The following MPDU1 variants were observed in gnomAD, a reference collection of about 807,000 sequenced individuals.
MPDU1 encodes mannose-P-dolichol utilization defect 1.
Under a neutral mutation model 27.6 loss-of-function variants are expected in MPDU1, and 18 were observed. That is an observed-to-expected ratio of 0.65 (90% CI 0.45 to 0.97). MPDU1 has a LOEUF of 0.97. Among genes scored for constraint, MPDU1 ranks in the 50% least tolerant of loss-of-function variants. MPDU1 has a pLI of 0.00. For missense variants in MPDU1, 279 were observed against 297.4 expected (o/e 0.94, Z 0.46); for synonymous variants, 142 against 131.1 (o/e 1.08, Z -0.57).
intron 1 of MPDU1, 172 bp from the exon 2 acceptor site, chr17:7,585,560 G>A: frequency 1.6e-6 from 1 of 624,136 alleles, no homozygotes; most frequent in Non-Finnish European, 2.8e-6. Flanking sequence ...AAGTGTGGTG[G>A]TTTGGAGCAG....
intron 5 of MPDU1, 50 bp downstream of exon 5, chr17:7,587,067 G>GA: frequency 5.5e-5 from 57 of 1,041,224 alleles, no homozygotes; most frequent in Admixed American, 9.6e-5. Flanking sequence ...GGGTGGGGGG[G>GA]AAGAGTAGAA....
At chr17:7,584,440 C>G (rs2071546744) in intron 1 of MPDU1, among the ~76,000 whole-genome samples, 1 of 152,160 alleles carries the variant, frequency 6.6e-6, no homozygotes, top group Non-Finnish European at 1.5e-5. Context: ...CGAGACAGCT[C>G]CACAAGGGTC....
chr17:7,583,679 G>T (rs761734667), upstream of MPDU1: 32 of 762,854 alleles, frequency 4.2e-5, no homozygotes, highest in Non-Finnish European at 6.1e-5. Context: ...CGTCCAAAAC[G>T]TGGTCCCTGA....
At chr17:7,584,132 C>T (rs567197741) in intron 1 of MPDU1, 167 bp downstream of exon 1, 85 of 721,662 alleles carry the variant, frequency 1.2e-4, no homozygotes, top group Non-Finnish European at 1.9e-4. Flanking sequence ...AGAGGGAGGA[C>T]ACCATATTAG....
rs1218272790 is a variant in MPDU1 at position 7,587,440 on chromosome 17, C to T, written c.633C>T (p.Pro211=). ...CTTGCAACCAGGAAACCGGAGATCC[C>T]CTGATGGCTGGGACCTTTGTGGTCT... ...IFTSIQETGD[P]LMAGTFVVSS... is the part of the protein sequence containing the mutation. The change falls in exon 7 of 7, where the codon CCC becomes CCT. Residue 211 remains proline (P), a synonymous_variant. Coordinates refer to ENST00000250124, the MANE Select transcript of MPDU1 (RefSeq NM_004870.4). 3 of 1,613,912 alleles carry T rather than the reference C, an allele frequency of 1.9e-6. No individual in the cohort carries two copies. The highest frequency in any genetic ancestry group is 2.2e-5 in the East Asian group (1 of 44,848).
Position 7,588,118 on chromosome 17 carries a change from T to C in MPDU1, c.*567T>C. On this transcript the variant is annotated 3_prime_UTR_variant, in exon 7 of 7. Transcript: ENST00000250124. ...AGGTCTAGGCGGAAGGGAGTGGAGA[T>C]GGGGCTGGTTCCTGCTGCAGTGAGG... 1 of 622,566 alleles carries C rather than the reference T, an allele frequency of 1.6e-6. No individual in the cohort carries two copies. Among genetic ancestry groups the C allele is most frequent in the Admixed American group, 2.1e-5 (1 of 47,414 alleles). The allele number at this position is 622,566 out of a possible 1,614,324, so 38.6% of individuals were successfully genotyped here. A position where few individuals can be genotyped will look rare whatever the true frequency, so the allele number is the denominator to read the frequency against.
chr17:7,587,095 GTTGTAC>G (rs781468945), intron 5 of MPDU1, 60 bp from the exon 6 acceptor site: 4 of 1,567,780 alleles, frequency 2.6e-6, no homozygotes, highest in African/African-American at 2.7e-5. Context: ...GTGTGGGGGT[GTTGTAC>G]TTGGGGGAGC....
chr17:7,587,356 C>G, intron 6 of MPDU1, 70 bp from the exon 7 acceptor site: 1 of 1,613,512 alleles, frequency 6.2e-7, no homozygotes, highest in Non-Finnish European at 8.5e-7. Flanking sequence ...CCGTGAGGAA[C>G]CTTTGTCCAT....
In MPDU1 at chr17:7,585,346, G is replaced by A. The variant is rs375131444; in HGVS notation, c.104-386G>A. On this transcript the variant is annotated intron_variant, in intron 1 of 6. Transcript: ENST00000250124. ...GAGGTCAGGAGTTCGAGACCAGCCT[G>A]GCCAACATGGTGAAACCCTGTCTCT... 5.2e-4 allele frequency among the ~76,000 whole-genome samples: 79 copies of A among 152,206 alleles called. 2 individuals carry two copies. In the East Asian group the frequency reaches 0.013, roughly 24 times the overall value.
rs376719696 is a variant in MPDU1, at chr17:7,586,866, G to A, written c.389-33G>A. The A allele has an allele frequency of 7.4e-6, 12 of 1,612,050 alleles. No individual in the cohort carries two copies. In the African/African-American group the frequency reaches 1.3e-4, roughly 18 times the overall value. On this transcript the variant is annotated intron_variant, in intron 4 of 6. Coordinates refer to ENST00000250124, the MANE Select transcript of MPDU1 (RefSeq NM_004870.4). ...CTGGGAAAGCCAAATGATGTGGAGA[G>A]ATTGACAAGGACTCCTGTCTCCCCA...
chr17:7,583,753 C>T (rs769319941), upstream of MPDU1: 135 of 1,117,946 alleles, frequency 1.2e-4, no homozygotes, highest in African/African-American at 6.1e-4. Context: ...GGGCACGGGG[C>T]GGGCCAGCTT....
chr17:7,583,928 C>T lies in MPDU1; in HGVS notation c.66C>T (p.Cys22=), dbSNP rs1388629959. ...LLVPILLPEK[C]YDQLFVQWDL... ...TGCCGATTCTTTTACCTGAGAAATG[C>T]TACGACCAACTTTTCGTTCAGTGGG... Residue 22 remains cysteine (C), a synonymous_variant, in exon 1 of 7, where the codon TGC becomes TGT. Coordinates refer to ENST00000250124, the MANE Select transcript of MPDU1 (RefSeq NM_004870.4). 2 of 1,614,120 alleles carry T rather than the reference C, an allele frequency of 1.2e-6. No homozygotes were observed. The highest frequency in any genetic ancestry group is 1.3e-5 in the African/African-American group (1 of 74,948).
rs867359652 is a variant in MPDU1, at chr17:7,587,152, C to T, written c.508-9C>T. 1.9e-6 allele frequency: 3 copies of T among 1,613,682 alleles called. No homozygotes were observed. Among genetic ancestry groups the T allele is most frequent in the Middle Eastern group, 3.3e-4 (2 of 6,062 alleles). On this transcript the variant is annotated splice_polypyrimidine_tract_variant and intron_variant, in intron 5 of 6. Coordinates refer to ENST00000250124, the MANE Select transcript of MPDU1 (RefSeq NM_004870.4). Reference sequence around the variant, plus strand: ...GTGACAGAGCCAAAGGTCTCAACTCCTCCCCTAGCTTCTCCAGGCAGCCAC... The same window carrying T: ...GTGACAGAGCCAAAGGTCTCAACTCTTCCCCTAGCTTCTCCAGGCAGCCAC...
Position 7,583,869 on chromosome 17 carries a change from G to A in MPDU1, c.7G>A (p.Ala3Thr), listed in dbSNP as rs745656864. The A allele has an allele frequency of 2.5e-6, 4 of 1,614,076 alleles. No homozygotes were observed. Among genetic ancestry groups the A allele is most frequent in the Non-Finnish European group, 3.4e-6 (4 of 1,180,036 alleles). MAAEADGPLKRLL... is the reference protein window; with the variant it reads MATEADGPLKRLL... ...CGGAAGCTAGCTTTGCAATATGGCG[G>A]CCGAGGCGGACGGACCGCTTAAACG... The change falls in exon 1 of 7, where the codon GCC (alanine) becomes ACC (threonine). Residue 3 changes from alanine (A) to threonine (T), a missense_variant. Ala to Thr is a moderately conservative substitution (Grantham distance 58, BLOSUM62 0). Coordinates refer to ENST00000250124, the MANE Select transcript of MPDU1 (RefSeq NM_004870.4).
chr17:7,584,750 G>A (rs2071552432), intron 1 of MPDU1, among the ~76,000 whole-genome samples: 1 of 152,216 alleles, frequency 6.6e-6, no homozygotes, highest in Non-Finnish European at 1.5e-5. Flanking sequence ...CCAGCACTTT[G>A]GGAGGCCGAA....
intron 4 of MPDU1, 42 bp from the exon 5 acceptor site, chr17:7,586,857 A>T (rs771667324): frequency 9.9e-6 from 16 of 1,611,012 alleles, no homozygotes; most frequent in Middle Eastern, 3.3e-4. Flanking sequence ...AAGCCAAATG[A>T]TGTGGAGAGA....
chr17:7,586,477 T>G, intron 3 of MPDU1: 1 of 630,116 alleles, frequency 1.6e-6, no homozygotes, highest in East Asian at 2.8e-5. Flanking sequence ...AGGAAAGTTT[T>G]AAGCCCTTTT....
intron 1 of MPDU1, among the ~76,000 whole-genome samples, 192 bp from the exon 2 acceptor site, chr17:7,585,536 CCAAA>C (rs1567742404): frequency 3.4e-5 from 5 of 148,160 alleles, no homozygotes; most frequent in Admixed American, 1.3e-4. Context: ...GACTCTGTCT[CCAAA>C]AAAAAAAAAA....
intron 3 of MPDU1, 199 bp from the exon 4 acceptor site, chr17:7,586,493 C>A: frequency 1.5e-6 from 1 of 659,522 alleles, no homozygotes; most frequent in South Asian, 1.6e-5. Flanking sequence ...CTTTTAGAAA[C>A]CTAATCATCA....
Sources: gnomAD v4.1 joint callset for allele counts (sites outside exome capture counted in the v4.1 genomes callset) on GRCh38, gnomAD v4.1.1 for gene constraint, MANE v1.5 for transcripts, NCBI Gene and HGNC (gene_info 2026-07-23, HGNC 2026-07-21) for gene names.